Variants in PMFBP1 observed in about 807,000 individuals in gnomAD.
PMFBP1 encodes polyamine-modulated factor 1-binding protein 1.
Under a neutral mutation model 137.8 loss-of-function variants are expected in PMFBP1, and 131 were observed. The observed-to-expected ratio is 0.95, with a 90% CI of 0.82 to 1.10. PMFBP1 has a LOEUF of 1.10. Ranked by LOEUF, PMFBP1 falls within the 50% of genes least tolerant of loss-of-function variation. The pLI, the probability that PMFBP1 is intolerant of heterozygous loss-of-function variation, is 0.00. For synonymous variants in PMFBP1, 490 were observed against 450.4 expected (o/e 1.09, Z -1.11); for missense variants, 1,199 against 1,175.4 (o/e 1.02, Z -0.29).
the PMFBP1 span, among the ~76,000 whole-genome samples, chr16:72,207,204 G>C: frequency 6.6e-6 from 1 of 152,222 alleles, no homozygotes; most frequent in African/African-American, 2.4e-5. Context: ...AAGATGGAGA[G>C]GCCAATGAGA....
rs780555662 is a variant in PMFBP1, at chr16:72,130,493, G to GACAGA, written c.1637+35_1637+39dup. ...CAGAGGGCCCGGCTGGGTCAAGAGT[G>GACAGA]ACAGAACCTCTCTCTGGAGGGGAGC... On this transcript the variant is annotated intron_variant, in intron 11 of 20. Transcript: ENST00000237353. 7 of 1,612,128 alleles carry GACAGA rather than the reference G, an allele frequency of 4.3e-6. No homozygotes were observed. The Admixed American group carries it at 1.2e-4, about 27-fold the overall frequency.
In PMFBP1 at chr16:72,119,921, C is replaced by T. The variant is rs148793975; in HGVS notation, c.2937G>A (p.Trp979Ter). ...QREKVCGTLG[W>*]KGLPQDMGQR... The stretch of plus-strand genomic sequence containing the variant: ...GACCCATATCCTGGGGCAACCCCTT[C>T]CAGCCCAAGGTGCCGCACACTTTCT... The change falls in exon 20 of 21, where the codon TGG becomes TGA. Residue 979 changes from tryptophan (W) to a stop codon, truncating the protein, a stop_gained. Coordinates refer to ENST00000237353, the MANE Select transcript of PMFBP1 (RefSeq NM_031293.3). LOFTEE classifies it high-confidence loss of function. 316 of 1,614,242 alleles carry T rather than the reference C, an allele frequency of 2.0e-4. No homozygotes were observed. The highest frequency in any genetic ancestry group is 1.3e-4 in the Non-Finnish European group (154 of 1,180,046).
the PMFBP1 span, among the ~76,000 whole-genome samples, chr16:72,240,660 G>A: frequency 6.6e-6 from 1 of 152,174 alleles, no homozygotes; most frequent in African/African-American, 2.4e-5. Flanking sequence ...TTCTTTTAAT[G>A]GGAAGACAGC....
the PMFBP1 span, among the ~76,000 whole-genome samples, chr16:72,196,647 T>A: frequency 6.6e-6 from 1 of 152,232 alleles, no homozygotes; most frequent in Non-Finnish European, 1.5e-5. Flanking sequence ...TTCTTACACA[T>A]GGGATGACTA....
chr16:72,135,759 T>TTTG (rs2042620367), intron 9 of PMFBP1, among the ~76,000 whole-genome samples: 1 of 143,052 alleles, frequency 7.0e-6, no homozygotes, highest in African/African-American at 2.6e-5. Context: ...TTTTTTTTTT[T>TTTG]TTTTTGAGAC....
the PMFBP1 span, among the ~76,000 whole-genome samples, chr16:72,217,917 T>G: frequency 1.3e-5 from 2 of 152,198 alleles, no homozygotes; most frequent in Admixed American, 1.3e-4. Context: ...TTTGCCTGTT[T>G]CCATGGTATA....
the PMFBP1 span, among the ~76,000 whole-genome samples, chr16:72,219,545 A>G: frequency 1.7e-5 from 2 of 119,436 alleles, no homozygotes; most frequent in Non-Finnish European, 3.3e-5. Flanking sequence ...GAGCTGCTCA[A>G]TGTGGGCGGG....
chr16:72,142,879 C>A (rs1477359728), intron 5 of PMFBP1, among the ~76,000 whole-genome samples: 1 of 151,988 alleles, frequency 6.6e-6, no homozygotes, highest in Admixed American at 6.6e-5. Flanking sequence ...ATAATCCAGA[C>A]ACCAATATGC....
intron 15 of PMFBP1, 128 bp from the exon 16 acceptor site, chr16:72,125,533 C>T (rs1209826513): frequency 1.9e-6 from 2 of 1,076,572 alleles, no homozygotes; most frequent in Non-Finnish European, 2.7e-6. Flanking sequence ...GTCACCTTGC[C>T]TAGTCTCCCA....
chr16:72,215,448 G>T, the PMFBP1 span, among the ~76,000 whole-genome samples: 6 of 151,706 alleles, frequency 4.0e-5, no homozygotes, highest in African/African-American at 1.2e-4. Flanking sequence ...AATCATATCA[G>T]AAGATAATAG....
the PMFBP1 span, among the ~76,000 whole-genome samples, chr16:72,242,842 T>C: frequency 1.3e-5 from 2 of 152,102 alleles, no homozygotes; most frequent in African/African-American, 2.4e-5. Flanking sequence ...AGAGAGCACA[T>C]GAATTCTTGC....
upstream of PMFBP1, among the ~76,000 whole-genome samples, chr16:72,178,123 G>C (rs2043264744): frequency 6.6e-6 from 1 of 152,080 alleles, no homozygotes; most frequent in South Asian, 2.1e-4. Flanking sequence ...AAACTCCTGA[G>C]CTCAAGCGAT....
intron 10 of PMFBP1, among the ~76,000 whole-genome samples, chr16:72,132,541 G>A (rs1167652072): frequency 6.6e-6 from 1 of 152,198 alleles, no homozygotes; most frequent in African/African-American, 2.4e-5. Flanking sequence ...TGACTACAGA[G>A]GGCAGGTGAG....
chr16:72,170,853 T>C (rs756431197), intron 2 of PMFBP1, among the ~76,000 whole-genome samples: 11 of 152,240 alleles, frequency 7.2e-5, no homozygotes, highest in Non-Finnish European at 1.6e-4. Flanking sequence ...CTACATGCAC[T>C]ACCTTTGCTA....
the PMFBP1 span, among the ~76,000 whole-genome samples, chr16:72,204,642 A>T: frequency 6.6e-6 from 1 of 152,196 alleles, no homozygotes; most frequent in African/African-American, 2.4e-5. Context: ...TCCTGAACGA[A>T]TGAATGAGCA....
chr16:72,226,487 C>A, the PMFBP1 span, among the ~76,000 whole-genome samples: 1 of 152,082 alleles, frequency 6.6e-6, no homozygotes, highest in African/African-American at 2.4e-5. Flanking sequence ...TGTTTCTGCC[C>A]CCATTTCAAT....
At chr16:72,227,192 T>C in the PMFBP1 span, among the ~76,000 whole-genome samples, 86 of 152,206 alleles carry the variant, frequency 5.7e-4, 1 homozygote, top group Admixed American at 5.6e-3. Context: ...TTCAGAGACG[T>C]TAACTTCAAG....
chr16:72,240,439 C>T, the PMFBP1 span, among the ~76,000 whole-genome samples: 1 of 152,212 alleles, frequency 6.6e-6, no homozygotes, highest in Non-Finnish European at 1.5e-5. Flanking sequence ...GACAATTCTG[C>T]CTTCTAATAG....
chr16:72,204,530 A>G, the PMFBP1 span, among the ~76,000 whole-genome samples: 2 of 152,124 alleles, frequency 1.3e-5, no homozygotes, highest in Admixed American at 6.5e-5. Flanking sequence ...CCTGAACCAA[A>G]TGGGCAGTCC....
Sources: gnomAD v4.1 joint callset for allele counts (sites outside exome capture counted in the v4.1 genomes callset) on GRCh38, gnomAD v4.1.1 for gene constraint, MANE v1.5 for transcripts, NCBI Gene and HGNC (gene_info 2026-07-23, HGNC 2026-07-21) for gene names.